Variants in GAB2 observed in about 807,000 individuals in gnomAD.
The protein encoded by GAB2 is GRB2 associated binding protein 2.
In GAB2, 26 loss-of-function variants were observed where a neutral mutation model predicts 65.5. That is an observed-to-expected ratio of 0.40 (90% CI 0.29 to 0.55). The LOEUF (loss-of-function observed/expected upper bound fraction) is 0.55. Ranked by LOEUF, GAB2 falls within the 20% of genes least tolerant of loss-of-function variation. The pLI is 0.53. For synonymous variants in GAB2, 321 were observed against 329.6 expected (o/e 0.97, Z 0.28); for missense variants, 884 against 875.8 (o/e 1.01, Z -0.12).
intron 2 of GAB2, among the ~76,000 whole-genome samples, chr11:78,266,214 C>CAAAAAAAAAA (rs11445907): frequency 9.2e-5 from 6 of 65,050 alleles, no homozygotes; most frequent in East Asian, 5.5e-4. Flanking sequence ...GACTCCATCT[C>CAAAAAAAAAA]AAAAAAAAAA....
intron 3 of GAB2, among the ~76,000 whole-genome samples, chr11:78,243,105 T>C (rs1161385866): frequency 6.7e-6 from 1 of 149,502 alleles, no homozygotes; most frequent in Non-Finnish European, 1.5e-5. Context: ...GAGGTTGCAG[T>C]AAGCTGAGAT....
chr11:78,248,479 G>T (rs571871962), intron 3 of GAB2, among the ~76,000 whole-genome samples: 1 of 152,234 alleles, frequency 6.6e-6, no homozygotes, highest in East Asian at 1.9e-4. Context: ...AGATCTTCAG[G>T]TATTTCATAT....
At chr11:78,319,689 C>T (rs183216816) in intron 1 of GAB2, among the ~76,000 whole-genome samples, 1 of 152,158 alleles carries the variant, frequency 6.6e-6, no homozygotes, top group African/African-American at 2.4e-5. Context: ...CATTTGAGGC[C>T]TTTTCATTTT....
At chr11:78,287,565 A>G (rs1279834297) in intron 1 of GAB2, among the ~76,000 whole-genome samples, 1 of 152,158 alleles carries the variant, frequency 6.6e-6, no homozygotes, top group African/African-American at 2.4e-5. Context: ...AGTGTGAACC[A>G]GCAAACCTGG....
intron 1 of GAB2, among the ~76,000 whole-genome samples, chr11:78,385,162 G>A (rs1167521146): frequency 1.3e-5 from 2 of 152,182 alleles, no homozygotes; most frequent in African/African-American, 4.8e-5. Flanking sequence ...AAAGGACAGG[G>A]AAAATCATGG....
chr11:78,245,344 A>T (rs964359698), intron 3 of GAB2, among the ~76,000 whole-genome samples: 2 of 152,250 alleles, frequency 1.3e-5, no homozygotes, highest in Admixed American at 1.3e-4. Context: ...ATTCAGAGGA[A>T]GGAAAATACA....
chr11:78,221,827 G>A (rs141147842), intron 7 of GAB2, 48 bp from the exon 8 acceptor site: 1 of 1,346,478 alleles, frequency 7.4e-7, no homozygotes, highest in Non-Finnish European at 1.1e-6. Context: ...CATGGCTGCT[G>A]CCATGTTTCT....
chr11:78,405,441 G>C (rs1428295943), intron 1 of GAB2, among the ~76,000 whole-genome samples: 1 of 151,980 alleles, frequency 6.6e-6, no homozygotes, highest in Non-Finnish European at 1.5e-5. Context: ...TGTAGTCCTG[G>C]GTCTGCTACT....
Position 78,227,014 on chromosome 11 carries a change from G to A in GAB2, c.658C>T (p.Leu220Phe). Residue 220 changes from leucine (L) to phenylalanine (F), a missense_variant, in exon 4 of 10, where the codon CTC becomes TTC. Physicochemically the swap from Leu to Phe is conservative, Grantham distance 22 (BLOSUM62 0). Transcript: ENST00000361507. ...TGTACAGCTGTGTCACTCCTCATGA[G>A]AAAAGAGGCTCTGGTGCCCTGAGAG... Reference protein sequence around the residue: ...SFSQGTRASFLMRSDTAVQKL... With the variant: ...SFSQGTRASFFMRSDTAVQKL... 1.2e-6 allele frequency: 2 copies of A among 1,613,044 alleles called. No individual in the cohort carries two copies. Among genetic ancestry groups the A allele is most frequent in the East Asian group, 2.2e-5 (1 of 44,874 alleles).
chr11:78,338,262 G>T (rs1240711923), intron 1 of GAB2, among the ~76,000 whole-genome samples: 2 of 152,150 alleles, frequency 1.3e-5, no homozygotes, highest in Non-Finnish European at 2.9e-5. Flanking sequence ...TAGGCAAACA[G>T]AATGTTTACT....
chr11:78,391,903 T>C (rs1856838143), intron 1 of GAB2, among the ~76,000 whole-genome samples: 1 of 152,078 alleles, frequency 6.6e-6, no homozygotes. Flanking sequence ...CCAAAGAAAC[T>C]GGAACAAAGA....
At chr11:78,238,935 C>G (rs978101480) in intron 3 of GAB2, among the ~76,000 whole-genome samples, 2 of 152,012 alleles carry the variant, frequency 1.3e-5, no homozygotes, top group African/African-American at 2.4e-5. Flanking sequence ...AAAAATCAAA[C>G]AACCTGACTG....
intron 2 of GAB2, among the ~76,000 whole-genome samples, chr11:78,262,387 T>C (rs1865757370): frequency 6.6e-6 from 1 of 152,226 alleles, no homozygotes; most frequent in Admixed American, 6.5e-5. Flanking sequence ...TCCCTGCACA[T>C]GGGTGCTCCA....
In GAB2 at chr11:78,394,663, T is replaced by C. The variant is rs1434741184; in HGVS notation, c.75+22983A>G. Among the ~76,000 whole-genome samples, 4 of 151,684 alleles carry C rather than the reference T, an allele frequency of 2.6e-5. 1 individual carries two copies. Among genetic ancestry groups the C allele is most frequent in the Non-Finnish European group, 5.9e-5 (4 of 68,038 alleles). ...GAAACTGAGCAAGAAGGAGCAGCAC[T>C]GCTGTTACCCCACTGTTTGGCACAG... is the stretch of plus-strand genomic sequence containing the variant. On this transcript the variant is annotated intron_variant, in intron 1 of 9. Coordinates refer to ENST00000361507, the MANE Select transcript of GAB2 (RefSeq NM_080491.3).
intron 1 of GAB2, among the ~76,000 whole-genome samples, chr11:78,312,162 G>C (rs1372288386): frequency 1.3e-5 from 2 of 149,436 alleles, no homozygotes; most frequent in Non-Finnish European, 3.0e-5. Context: ...TGTAAACTCT[G>C]AGCCAGCATG....
chr11:78,371,893 C>G (rs754948530), intron 1 of GAB2, among the ~76,000 whole-genome samples: 5 of 152,178 alleles, frequency 3.3e-5, no homozygotes, highest in Non-Finnish European at 7.3e-5. Context: ...TCTCTTATTA[C>G]AAGGGTAATA....
chr11:78,280,369 C>T, intron 2 of GAB2: 1 of 559,476 alleles, frequency 1.8e-6, no homozygotes, highest in South Asian at 2.2e-5. Flanking sequence ...GGAAACACCA[C>T]AAATACCTTT....
chr11:78,216,806 C>CT lies in GAB2; in HGVS notation c.*2465dup, dbSNP rs1357316793. 6.6e-6 allele frequency: 1 copy of CT among 152,266 alleles called. No individual in the cohort carries two copies. Among genetic ancestry groups the CT allele is most frequent in the African/African-American group, 2.4e-5 (1 of 41,442 alleles). The allele number at this position is 152,266 out of a possible 1,614,324, so 9.4% of individuals were successfully genotyped here. A position where few individuals can be genotyped will look rare whatever the true frequency, so the allele number is the denominator to read the frequency against. ...ACAGGGAAGGCACCAGTTAAAAGCT[C>CT]TGTCGTATGGGGCCCCTTGTAGGGG... is the stretch of plus-strand genomic sequence containing the variant. On this transcript the variant is annotated 3_prime_UTR_variant, in exon 10 of 10. Coordinates refer to ENST00000361507, the MANE Select transcript of GAB2 (RefSeq NM_080491.3).
intron 2 of GAB2, among the ~76,000 whole-genome samples, chr11:78,254,029 GCCCCTT>G (rs1213086313): frequency 6.6e-6 from 1 of 152,172 alleles, no homozygotes; most frequent in South Asian, 2.1e-4. Flanking sequence ...CACCTCTGCA[GCCCCTT>G]CCTTGAGCTC....
Sources: gnomAD v4.1 joint callset for allele counts (sites outside exome capture counted in the v4.1 genomes callset) on GRCh38, gnomAD v4.1.1 for gene constraint, MANE v1.5 for transcripts, NCBI Gene and HGNC (gene_info 2026-07-23, HGNC 2026-07-21) for gene names.